Variants in RAB5C observed in about 807,000 individuals in gnomAD.
RAB5C encodes ras-related protein Rab-5C.
RAB5C carries 4 observed loss-of-function variants against 25.2 expected under a neutral mutation model. That is an observed-to-expected ratio of 0.16 (90% CI 0.08 to 0.36). The LOEUF (loss-of-function observed/expected upper bound fraction) is 0.36. RAB5C is among the 10% of genes least tolerant of loss of function. The probability of loss-of-function intolerance (pLI) is 1.00; values close to 1 mark genes in which losing one functional copy is unlikely to be tolerated. For synonymous variants in RAB5C, 100 were observed against 106.4 expected (o/e 0.94, Z 0.37); for missense variants, 199 against 283.8 (o/e 0.70, Z 2.15).
At chr17:42,127,015 C>T (rs928514473) in intron 4 of RAB5C, among the ~76,000 whole-genome samples, 167 bp from the exon 5 acceptor site, 2 of 152,232 alleles carry the variant, frequency 1.3e-5, no homozygotes, top group Non-Finnish European at 2.9e-5. Flanking sequence ...TGGGTTTCCC[C>T]GCTCATGTAT....
intron 1 of RAB5C, among the ~76,000 whole-genome samples, chr17:42,135,208 C>T (rs576592812): frequency 1.3e-5 from 2 of 151,454 alleles, no homozygotes; most frequent in South Asian, 2.1e-4. Flanking sequence ...TGGTATCAAA[C>T]TCCTGCCTCA....
At chr17:42,148,978 C>T (rs2079653811) in intron 1 of RAB5C, among the ~76,000 whole-genome samples, 3 of 152,054 alleles carry the variant, frequency 2.0e-5, no homozygotes, top group African/African-American at 4.8e-5. Context: ...TGGCACATGG[C>T]AAAAATAGAA....
intron 1 of RAB5C, among the ~76,000 whole-genome samples, chr17:42,135,043 C>T (rs1454576402): frequency 2.0e-5 from 3 of 150,124 alleles, no homozygotes; most frequent in South Asian, 2.1e-4. Context: ...TGCAGTGGCA[C>T]GATCTCTGCT....
chr17:42,134,250 C>T (rs2054514432), intron 1 of RAB5C, among the ~76,000 whole-genome samples: 1 of 152,090 alleles, frequency 6.6e-6, no homozygotes, highest in South Asian at 2.1e-4. Flanking sequence ...GTCCTGCCTC[C>T]CAGGGATGTG....
At chr17:42,136,102 AAAC>A (rs1056189605) in intron 1 of RAB5C, among the ~76,000 whole-genome samples, 35 of 152,328 alleles carry the variant, frequency 2.3e-4, no homozygotes, top group African/African-American at 8.2e-4. Flanking sequence ...CAAACCAAAA[AAAC>A]AACAGCAGAA....
chr17:42,147,140 A>C (rs1418303150), intron 1 of RAB5C, among the ~76,000 whole-genome samples: 1 of 148,912 alleles, frequency 6.7e-6, no homozygotes, highest in Non-Finnish European at 1.5e-5. Flanking sequence ...GAAAGAAAGA[A>C]AGAAAGAGAG....
intron 1 of RAB5C, among the ~76,000 whole-genome samples, chr17:42,143,724 A>G (rs1455397385): frequency 6.6e-6 from 1 of 152,228 alleles, no homozygotes; most frequent in Non-Finnish European, 1.5e-5. Flanking sequence ...AAGGAGGCTA[A>G]AAGAGCAACC....
At chr17:42,130,203 A>G in intron 2 of RAB5C, 134 bp downstream of exon 2, 1 of 1,264,546 alleles carries the variant, frequency 7.9e-7, no homozygotes, top group South Asian at 1.6e-5. Flanking sequence ...TCCAGGGCCC[A>G]GGTGAGGAAG....
chr17:42,140,010 A>C (rs2054576429), intron 1 of RAB5C, among the ~76,000 whole-genome samples: 1 of 152,056 alleles, frequency 6.6e-6, no homozygotes, highest in African/African-American at 2.4e-5. Flanking sequence ...TCTCACCGGA[A>C]TCTCATCAAT....
chr17:42,128,407 C>A, intron 3 of RAB5C, 24 bp from the exon 4 acceptor site: 1 of 1,604,540 alleles, frequency 6.2e-7, no homozygotes, highest in South Asian at 1.1e-5. Flanking sequence ...GACAGAATGT[C>A]GAAGGGACAG....
At chr17:42,126,257 T>G (rs536836814) in intron 5 of RAB5C, among the ~76,000 whole-genome samples, 3 of 152,052 alleles carry the variant, frequency 2.0e-5, no homozygotes, top group Non-Finnish European at 4.4e-5. Flanking sequence ...TGGCCCAGGC[T>G]TCAGGAACTT....
chr17:42,150,124 A>G lies in RAB5C; in HGVS notation c.-89+4769T>C, dbSNP rs2079660775. ...GGTCTCGAACTCCTGACTTCAGGTG[A>G]TCTCCCAGCCTCAGCCTTCCAAAGT... On this transcript the variant is annotated intron_variant, in intron 1 of 5. Coordinates refer to ENST00000346213, the MANE Select transcript of RAB5C (RefSeq NM_004583.4). Among the ~76,000 whole-genome samples, 2 of 151,256 alleles carry G rather than the reference A, an allele frequency of 1.3e-5. 1 individual carries two copies. Among genetic ancestry groups the G allele is most frequent in the South Asian group, 4.3e-4 (2 of 4,670 alleles).
intron 1 of RAB5C, among the ~76,000 whole-genome samples, chr17:42,133,086 A>C (rs1403144561): frequency 6.6e-6 from 1 of 152,200 alleles, no homozygotes; most frequent in Admixed American, 6.5e-5. Flanking sequence ...AGCAACAGTC[A>C]CAGTAATCTT....
chr17:42,147,110 A>C (rs1282612959), intron 1 of RAB5C, among the ~76,000 whole-genome samples: 1 of 150,972 alleles, frequency 6.6e-6, no homozygotes, highest in South Asian at 2.1e-4. Flanking sequence ...GAAAGACAGA[A>C]AGAAAGAAAG....
At chr17:42,154,754 TG>T in intron 1 of RAB5C, 138 bp downstream of exon 1, 1 of 152,434 alleles carries the variant, frequency 6.6e-6, no homozygotes, top group Non-Finnish European at 1.5e-5. Context: ...GCCCGACGCC[TG>T]GGGAGCCCCT....
intron 1 of RAB5C, among the ~76,000 whole-genome samples, chr17:42,140,516 T>TATATATATATATA (rs61570185): frequency 1.5e-4 from 2 of 12,912 alleles, no homozygotes; most frequent in East Asian, 2.1e-3. Flanking sequence ...TATATATATA[T>TATATATATATATA]TTTTTTTTTT....
At chr17:42,130,731 C>T (rs1045211150) in intron 1 of RAB5C, 141 bp from the exon 2 acceptor site, 8 of 1,049,324 alleles carry the variant, frequency 7.6e-6, no homozygotes, top group Non-Finnish European at 9.3e-6. Flanking sequence ...CTGCCCTCCC[C>T]ACTAGAGGTC....
chr17:42,148,697 G>C (rs1832694717), intron 1 of RAB5C, among the ~76,000 whole-genome samples: 1 of 152,268 alleles, frequency 6.6e-6, no homozygotes, highest in African/African-American at 2.4e-5. Flanking sequence ...CACAGAGGAA[G>C]TGGCATTCAA....
chr17:42,132,684 T>A (rs1598247020), intron 1 of RAB5C, among the ~76,000 whole-genome samples: 1 of 151,382 alleles, frequency 6.6e-6, no homozygotes, highest in Non-Finnish European at 1.5e-5. Context: ...CTAATTAAAA[T>A]TTTCTTTCTT....
Sources: allele counts gnomAD v4.1 joint callset (sites outside exome capture counted in the v4.1 genomes callset), GRCh38; gene constraint gnomAD v4.1.1; transcripts MANE v1.5; gene names NCBI Gene and HGNC (gene_info 2026-07-23, HGNC 2026-07-21).